SNX24: variants seen among roughly 807,000 people sequenced by gnomAD.
The protein encoded by SNX24 is sorting nexin-24.
In SNX24, 22 loss-of-function variants were observed where a neutral mutation model predicts 28.7. That is an observed-to-expected ratio of 0.77 (90% CI 0.55 to 1.10). The LOEUF (loss-of-function observed/expected upper bound fraction) is 1.10, where lower values mean the gene tolerates loss of function less well. Among genes scored for constraint, SNX24 ranks in the 50% least tolerant of loss-of-function variants. The pLI is 0.00. For missense variants in SNX24, 221 were observed against 201.1 expected, an observed-to-expected ratio of 1.10 and a Z score of -0.60; for synonymous variants, 69 against 71.5, an observed-to-expected ratio of 0.96 and a Z score of 0.18.
intron 1 of SNX24, among the ~76,000 whole-genome samples, chr5:122,921,529 G>A (rs1413929435): frequency 6.6e-6 from 1 of 152,076 alleles, no homozygotes; most frequent in African/African-American, 2.4e-5. Flanking sequence ...TACTGTCTCT[G>A]TAAAGAAACA....
chr5:122,847,639 A>C (rs1754703390), intron 1 of SNX24, among the ~76,000 whole-genome samples: 1 of 151,958 alleles, frequency 6.6e-6, no homozygotes, highest in East Asian at 1.9e-4. Context: ...GACTACAGGC[A>C]CATGGCACCA....
rs989602642 is a variant in SNX24 at position 122,998,254 on chromosome 5, G to A, written c.250-1658G>A. On this transcript the variant is annotated intron_variant, in intron 3 of 6. Transcript: ENST00000261369. ...CACATGGATGGAGAGAGGGACAGAG[G>A]GATGGACGGATGAATGCATTGGTAG... 3 of 152,156 alleles carry A rather than the reference G, an allele frequency of 2.0e-5. 1 individual carries two copies. Among genetic ancestry groups the A allele is most frequent in the Admixed American group, 2.0e-4 (3 of 15,284 alleles). 9.4% of individuals were successfully genotyped at this position (152,156 alleles called of 1,614,324 possible). A position where few individuals can be genotyped will look rare whatever the true frequency, so the allele number is the denominator to read the frequency against.
At chr5:122,971,469 C>T (rs559893771) in intron 3 of SNX24, among the ~76,000 whole-genome samples, 23 of 152,278 alleles carry the variant, frequency 1.5e-4, no homozygotes, top group Non-Finnish European at 2.9e-4. Context: ...CACCCCTCGT[C>T]AACTTGAACC....
intron 1 of SNX24, among the ~76,000 whole-genome samples, chr5:122,913,684 C>A (rs1220364013): frequency 6.6e-6 from 1 of 151,630 alleles, no homozygotes. Context: ...CGGGCAGAGA[C>A]TCTCCTCACT....
At chr5:122,920,782 C>T (rs1442706047) in intron 1 of SNX24, among the ~76,000 whole-genome samples, 2 of 152,298 alleles carry the variant, frequency 1.3e-5, no homozygotes, top group East Asian at 3.9e-4. Context: ...AGAATGTTTT[C>T]ACTCAAAAAT....
At chr5:122,917,267 AAAAG>A (rs1400748346) in intron 1 of SNX24, among the ~76,000 whole-genome samples, 2 of 151,878 alleles carry the variant, frequency 1.3e-5, no homozygotes, top group African/African-American at 2.4e-5. Context: ...AAAAAAAAAA[AAAAG>A]AAAGAAAAAA....
At chr5:122,993,991 A>G (rs1015772369) in intron 3 of SNX24, among the ~76,000 whole-genome samples, 1 of 152,192 alleles carries the variant, frequency 6.6e-6, no homozygotes, top group Admixed American at 6.5e-5. Context: ...CTTTTGTGAC[A>G]AAGAGGTTCT....
intron 3 of SNX24, among the ~76,000 whole-genome samples, chr5:122,952,125 G>C (rs1277515195): frequency 6.6e-6 from 1 of 152,156 alleles, no homozygotes; most frequent in Admixed American, 6.5e-5. Flanking sequence ...ATGAAGACTT[G>C]TGTCCCATTC....
intron 3 of SNX24, among the ~76,000 whole-genome samples, chr5:122,969,504 G>C (rs1369504186): frequency 6.6e-6 from 1 of 152,086 alleles, no homozygotes; most frequent in Non-Finnish European, 1.5e-5. Context: ...ATTGTGGCTA[G>C]TATTCCATTT....
intron 3 of SNX24, among the ~76,000 whole-genome samples, chr5:122,954,187 T>TTCTCTCTC (rs150039118): frequency 1.4e-4 from 20 of 144,466 alleles, no homozygotes; most frequent in South Asian, 4.7e-4. Flanking sequence ...GCAGTGAACT[T>TTCTCTCTC]TCTCTCTCTC....
intron 3 of SNX24, among the ~76,000 whole-genome samples, chr5:122,959,699 G>A (rs1318200836): frequency 2.0e-5 from 3 of 151,676 alleles, no homozygotes; most frequent in Non-Finnish European, 4.4e-5. Context: ...TGATCACACT[G>A]ATTGCATTAA....
intron 3 of SNX24, among the ~76,000 whole-genome samples, chr5:122,979,186 G>A (rs1347834408): frequency 6.6e-6 from 1 of 152,180 alleles, no homozygotes; most frequent in Non-Finnish European, 1.5e-5. Flanking sequence ...CTACTCTTAG[G>A]ATTCAATTTT....
At chr5:122,955,777 G>A (rs189668287) in intron 3 of SNX24, among the ~76,000 whole-genome samples, 11 of 152,246 alleles carry the variant, frequency 7.2e-5, no homozygotes, top group East Asian at 3.9e-4. Context: ...CATGGTTTCC[G>A]CTGACACCAT....
chr5:122,882,041 C>T (rs1756503972), intron 1 of SNX24, among the ~76,000 whole-genome samples: 1 of 151,536 alleles, frequency 6.6e-6, no homozygotes. Flanking sequence ...GTGACAAACT[C>T]CTGGGCTCAA....
chr5:122,847,652 C>T (rs1754703719), intron 1 of SNX24, among the ~76,000 whole-genome samples: 1 of 151,978 alleles, frequency 6.6e-6, no homozygotes, highest in Non-Finnish European at 1.5e-5. Context: ...TGGCACCACT[C>T]CTGGATAATT....
intron 3 of SNX24, among the ~76,000 whole-genome samples, chr5:122,966,490 A>C (rs1235276386): frequency 6.6e-6 from 1 of 152,228 alleles, no homozygotes; most frequent in Non-Finnish European, 1.5e-5. Flanking sequence ...CATAAAGAAA[A>C]GAGATGGACT....
chr5:122,916,458 T>C (rs1295568902), intron 1 of SNX24, among the ~76,000 whole-genome samples: 2 of 151,808 alleles, frequency 1.3e-5, no homozygotes, highest in Non-Finnish European at 2.9e-5. Flanking sequence ...CTTTTCTTAA[T>C]TCTTTAAAGT....
At position 123,007,672 on chromosome 5, in the gene SNX24, T is replaced by C. The variant is rs1762462780; in HGVS notation, c.443-10T>C. 1 of 1,571,352 alleles carries C rather than the reference T, an allele frequency of 6.4e-7. No homozygotes were observed. The highest frequency in any genetic ancestry group is 1.2e-5 in the South Asian group (1 of 82,956). ...TCTTTTTTTTTTCTTTTTTTTTTTC[T>C]TTTTTTCAGATTTTCCAAATGTGGT... On this transcript the variant is annotated splice_polypyrimidine_tract_variant and intron_variant, in intron 6 of 6. Transcript: ENST00000261369.
At chr5:122,881,417 G>T (rs1320787216) in intron 1 of SNX24, among the ~76,000 whole-genome samples, 1 of 152,136 alleles carries the variant, frequency 6.6e-6, no homozygotes, top group Non-Finnish European at 1.5e-5. Context: ...GTATGGATCA[G>T]CAGCATTGGT....
Sources: gnomAD v4.1 joint callset for allele counts (sites outside exome capture counted in the v4.1 genomes callset) on GRCh38, gnomAD v4.1.1 for gene constraint, MANE v1.5 for transcripts, NCBI Gene and HGNC (gene_info 2026-07-23, HGNC 2026-07-21) for gene names.